GRB14: variants seen among roughly 807,000 people sequenced by gnomAD.
GRB14 encodes growth factor receptor-bound protein 14.
Under a neutral mutation model 69.1 loss-of-function variants are expected in GRB14, and 38 were observed. That is an observed-to-expected ratio of 0.55 (90% CI 0.42 to 0.72). The LOEUF is 0.72. Ranked by LOEUF, GRB14 falls within the 30% of genes least tolerant of loss-of-function variation. The pLI is 0.00. For missense variants in GRB14, 666 were observed against 666.1 expected, an observed-to-expected ratio of 1.00 and a Z score of 0.00; for synonymous variants, 247 against 241.3, an observed-to-expected ratio of 1.02 and a Z score of -0.22.
At chr2:164,572,528 G>A (rs1206552074) in intron 2 of GRB14, among the ~76,000 whole-genome samples, 3 of 152,218 alleles carry the variant, frequency 2.0e-5, no homozygotes, top group South Asian at 2.1e-4. Context: ...TGCCCATTAA[G>A]TGTTAAGCAC....
intron 8 of GRB14, among the ~76,000 whole-genome samples, chr2:164,507,759 A>G (rs1687230470): frequency 1.5e-5 from 1 of 68,730 alleles, no homozygotes; most frequent in East Asian, 5.0e-4. Context: ...GAAATAGTTG[A>G]TAAGTATACA....
At chr2:164,495,110 T>G (rs1358431755) in intron 12 of GRB14, among the ~76,000 whole-genome samples, 1 of 151,950 alleles carries the variant, frequency 6.6e-6, no homozygotes, top group Non-Finnish European at 1.5e-5. Context: ...CCCAGCTAAT[T>G]TTTGCATTTT....
At position 164,497,199 on chromosome 2, in the gene GRB14, G is replaced by A. The variant is rs373646572; in HGVS notation, c.1294+12C>T. The A allele has an allele frequency of 4.3e-6, 7 of 1,611,020 alleles. No homozygotes were observed. Among genetic ancestry groups the A allele is most frequent in the Non-Finnish European group, 5.1e-6 (6 of 1,177,368 alleles). ...CCGTCTACTCAGTGGCAATGACTATGAACAGACATACCCATGTTTGTGGCA... is the reference window on the plus strand; with the variant it reads ...CCGTCTACTCAGTGGCAATGACTATAAACAGACATACCCATGTTTGTGGCA... On this transcript the variant is annotated intron_variant, in intron 11 of 13. Transcript: ENST00000263915.
chr2:164,601,827 T>C (rs552258086), intron 2 of GRB14, among the ~76,000 whole-genome samples: 4 of 152,252 alleles, frequency 2.6e-5, no homozygotes, highest in Non-Finnish European at 5.9e-5. Flanking sequence ...TCTTAACAGT[T>C]TTGAAGAACT....
chr2:164,561,209 G>A (rs1443051818), intron 2 of GRB14, among the ~76,000 whole-genome samples: 2 of 152,098 alleles, frequency 1.3e-5, no homozygotes, highest in East Asian at 1.9e-4. Context: ...ACAGTGGACA[G>A]GGGATCCTGG....
At chr2:164,499,452 GAAGTAA>G (rs922789609) in intron 9 of GRB14, among the ~76,000 whole-genome samples, 23 of 152,272 alleles carry the variant, frequency 1.5e-4, no homozygotes, top group African/African-American at 4.8e-4. Context: ...CAAAAAAATG[GAAGTAA>G]AGCAGAGTCT....
chr2:164,559,402 G>A (rs1688764076), intron 2 of GRB14, among the ~76,000 whole-genome samples: 1 of 152,148 alleles, frequency 6.6e-6, no homozygotes, highest in African/African-American at 2.4e-5. Flanking sequence ...CACCTGAGCA[G>A]CATATACTGC....
At chr2:164,586,747 T>C (rs1689548671) in intron 2 of GRB14, among the ~76,000 whole-genome samples, 2 of 152,164 alleles carry the variant, frequency 1.3e-5, no homozygotes, top group African/African-American at 4.8e-5. Context: ...AATCCCTTGA[T>C]CAAAATGATA....
chr2:164,608,496 T>C (rs1690091687), intron 2 of GRB14, among the ~76,000 whole-genome samples: 1 of 151,980 alleles, frequency 6.6e-6, no homozygotes. Context: ...ACATTGATGG[T>C]GCCTATCTCA....
At chr2:164,563,513 G>C (rs937048323) in intron 2 of GRB14, among the ~76,000 whole-genome samples, 1 of 152,138 alleles carries the variant, frequency 6.6e-6, no homozygotes, top group South Asian at 2.1e-4. Flanking sequence ...TAAAACTCAC[G>C]AGCCTGTTCT....
intron 2 of GRB14, among the ~76,000 whole-genome samples, chr2:164,617,969 G>C (rs941660269): frequency 3.7e-5 from 5 of 135,806 alleles, no homozygotes; most frequent in African/African-American, 1.0e-4. Context: ...TGGGGGGGGG[G>C]GGGTAGTGTC....
chr2:164,610,874 TAA>T (rs1294119832), intron 2 of GRB14, among the ~76,000 whole-genome samples: 2 of 48,182 alleles, frequency 4.2e-5, no homozygotes, highest in Admixed American at 2.1e-4. Flanking sequence ...AAAAAAAAAT[TAA>T]AAAAAAAAAA....
rs757402985 is a variant in GRB14 at position 164,497,411 on chromosome 2, G to T, written c.1184C>A (p.Ala395Asp). 34 of 1,613,380 alleles carry T rather than the reference G, an allele frequency of 2.1e-5. No homozygotes were observed. Among genetic ancestry groups the T allele is most frequent in the Non-Finnish European group, 2.9e-5 (34 of 1,179,556 alleles). ...KSRVIENPTE[A>D]LSVAVEEGLA... Reference sequence around the variant, plus strand: ...TCCTTCTTCAACCGCAACTGAAAGGGCTTCAGTGGGATTTTCTATAACTCT... The same window carrying T: ...TCCTTCTTCAACCGCAACTGAAAGGTCTTCAGTGGGATTTTCTATAACTCT... The change falls in exon 10 of 14, where the codon GCC (alanine) becomes GAC (aspartate). Residue 395 changes from alanine (A) to aspartate (D), a missense_variant. By Grantham distance (126) the Ala-to-Asp change is moderately radical. Coordinates refer to ENST00000263915, the MANE Select transcript of GRB14 (RefSeq NM_004490.3).
At chr2:164,525,322 T>C (rs1687741442) in intron 4 of GRB14, among the ~76,000 whole-genome samples, 1 of 152,072 alleles carries the variant, frequency 6.6e-6, no homozygotes, top group East Asian at 1.9e-4. Flanking sequence ...TTCAAGTATC[T>C]GGAGTTATAA....
intron 2 of GRB14, among the ~76,000 whole-genome samples, chr2:164,582,805 C>T (rs1307461509): frequency 2.0e-5 from 3 of 152,150 alleles, no homozygotes; most frequent in African/African-American, 7.2e-5. Context: ...GTCTCCACAC[C>T]GTCATGGAAA....
chr2:164,597,931 T>TA (rs879770500), intron 2 of GRB14, among the ~76,000 whole-genome samples: 11 of 151,788 alleles, frequency 7.2e-5, no homozygotes, highest in Non-Finnish European at 1.5e-4. Flanking sequence ...CTAGGATACT[T>TA]AAAATAGGGA....
Position 164,621,081 on chromosome 2 carries a change from A to G in GRB14, c.191+38T>C, listed in dbSNP as rs1690447676. ...CTCCTCACCCCCTCGCCGGCTGCCCAGCCAGGACACTCCCCCGCGCCCTCC... is the reference window on the plus strand; with the variant it reads ...CTCCTCACCCCCTCGCCGGCTGCCCGGCCAGGACACTCCCCCGCGCCCTCC... On this transcript the variant is annotated intron_variant, in intron 1 of 13. Transcript: ENST00000263915. This position sits in a 1 kb window ranked among gnomAD's most constrained non-coding sequence, Gnocchi z 6.0. 4.8e-6 allele frequency: 6 copies of G among 1,244,596 alleles called. No homozygotes were observed. In the South Asian group the frequency reaches 1.2e-4, roughly 26 times the overall value. The allele number at this position is 1,244,596 out of a possible 1,614,324, so 77.1% of individuals were successfully genotyped here.
intron 2 of GRB14, among the ~76,000 whole-genome samples, chr2:164,580,281 CG>C (rs1446381302): frequency 6.6e-6 from 1 of 151,884 alleles, no homozygotes; most frequent in Admixed American, 6.5e-5. Flanking sequence ...TTAGTAGAGA[CG>C]GGGTTTTGCC....
intron 2 of GRB14, among the ~76,000 whole-genome samples, chr2:164,586,405 T>A (rs1273581472): frequency 6.6e-6 from 1 of 152,178 alleles, no homozygotes; most frequent in East Asian, 1.9e-4. Context: ...TGAGAGCTGT[T>A]CTTCTGGGAA....
Sources: gnomAD v4.1 joint callset for allele counts (sites outside exome capture counted in the v4.1 genomes callset) on GRCh38, gnomAD v4.1.1 for gene constraint, Gnocchi (gnomAD v3.1) non-coding constraint, MANE v1.5 for transcripts, NCBI Gene and HGNC (gene_info 2026-07-23, HGNC 2026-07-21) for gene names.